Variants in RASA2 observed in about 807,000 individuals in gnomAD.
RASA2 encodes RAS p21 protein activator 2.
Under a neutral mutation model 118.2 loss-of-function variants are expected in RASA2, and 155 were observed. That is an observed-to-expected ratio of 1.31 (90% CI 1.15 to 1.50). RASA2 has a LOEUF of 1.50. Among genes scored for constraint, RASA2 ranks in the 40% most tolerant of loss-of-function variants. The pLI is 0.00. For synonymous variants in RASA2, 353 were observed against 349.1 expected (o/e 1.01, Z -0.12); for missense variants, 1,016 against 1,009.6 (o/e 1.01, Z -0.09).
chr3:141,573,999 T>A lies in RASA2; in HGVS notation c.1415T>A (p.Met472Lys). The A allele has an allele frequency of 6.3e-7, 1 of 1,590,068 alleles. No individual in the cohort carries two copies. The highest frequency in any genetic ancestry group is 8.6e-7 in the Non-Finnish European group (1 of 1,162,474). Residue 472 changes from methionine (M) to lysine (K), a missense_variant, in exon 14 of 24, where the codon ATG becomes AAG. Transcript: ENST00000286364. ...KLFNTIVKSS[M>K]SCPTVMCDIF... The stretch of plus-strand genomic sequence containing the variant: ...TTCAATACAATTGTAAAATCAAGTA[T>A]GAGCTGCCCCACTGTAATGTGTGAT...
chr3:141,516,439 C>A lies in RASA2; in HGVS notation c.355+8C>A. ...AAAGAGATCTCCGTATAGGTATGTA[C>A]TATTCATAATTATCTTTAATCACAA... is the stretch of plus-strand genomic sequence containing the variant. On this transcript the variant is annotated splice_region_variant and intron_variant, in intron 3 of 23. Transcript: ENST00000286364. The A allele has an allele frequency of 7.0e-7, 1 of 1,430,852 alleles. No homozygotes were observed. Among genetic ancestry groups the A allele is most frequent in the Non-Finnish European group, 9.2e-7 (1 of 1,085,640 alleles). 88.6% of individuals were successfully genotyped at this position (1,430,852 alleles called of 1,614,324 possible). A position where few individuals can be genotyped will look rare whatever the true frequency, so the allele number is the denominator to read the frequency against.
rs376313232 is a variant in RASA2 at position 141,487,121 on chromosome 3, C to A, written c.38C>A (p.Ser13Tyr). The A allele has an allele frequency of 2.8e-6, 4 of 1,428,352 alleles. No individual in the cohort carries two copies. The highest frequency in any genetic ancestry group is 2.6e-5 in the Admixed American group (1 of 38,568). 88.5% of individuals were successfully genotyped at this position (1,428,352 alleles called of 1,614,324 possible). A position where few individuals can be genotyped will look rare whatever the true frequency, so the allele number is the denominator to read the frequency against. Residue 13 changes from serine (S) to tyrosine (Y), a missense_variant, in exon 1 of 24, where the codon TCC becomes TAC. Physicochemically the swap from Ser to Tyr is moderately radical, Grantham distance 144. Transcript: ENST00000286364. ...AAAPAAAAASSEAPAASATAE... is the reference protein window; with the variant it reads ...AAAPAAAAASYEAPAASATAE... Reference sequence around the variant, plus strand: ...GCGCCTGCTGCTGCGGCGGCTTCTTCCGAGGCGCCAGCGGCGAGTGCGACT... The same window carrying A: ...GCGCCTGCTGCTGCGGCGGCTTCTTACGAGGCGCCAGCGGCGAGTGCGACT...
At chr3:141,503,372 A>T (rs369403221) in intron 1 of RASA2, among the ~76,000 whole-genome samples, 184 of 152,318 alleles carry the variant, frequency 1.2e-3, no homozygotes, top group African/African-American at 4.2e-3. Flanking sequence ...TTTGTCCTAG[A>T]TAAAATTTAT....
chr3:141,539,873 C>G (rs960593252), intron 4 of RASA2, among the ~76,000 whole-genome samples: 13 of 152,078 alleles, frequency 8.5e-5, no homozygotes, highest in Admixed American at 5.9e-4. Context: ...GAAAGTACTC[C>G]TTTATTTTCA....
intron 4 of RASA2, 151 bp downstream of exon 4, chr3:141,529,953 G>A (rs1040475014): frequency 1.7e-5 from 10 of 577,894 alleles, no homozygotes; most frequent in African/African-American, 1.7e-4. Context: ...ATATAGGACA[G>A]GAAGGTAATG....
intron 23 of RASA2, 76 bp from the exon 24 acceptor site, chr3:141,612,207 A>T: frequency 9.0e-7 from 1 of 1,109,610 alleles, no homozygotes; most frequent in Non-Finnish European, 1.3e-6. Context: ...CTAAATACTT[A>T]ATGGATTATA....
chr3:141,517,662 C>CT (rs535936304), intron 3 of RASA2, among the ~76,000 whole-genome samples: 51 of 151,298 alleles, frequency 3.4e-4, no homozygotes, highest in African/African-American at 4.4e-4. Flanking sequence ...ATATATTTCT[C>CT]TTTTTTTTTG....
chr3:141,505,688 A>C (rs1429233416), intron 1 of RASA2, among the ~76,000 whole-genome samples: 3 of 152,148 alleles, frequency 2.0e-5, no homozygotes, highest in Non-Finnish European at 4.4e-5. Context: ...TGTCCTGTCA[A>C]GTGGGCAGTG....
Position 141,559,863 on chromosome 3 carries a change from GCAAAACATAAAGCCAGTTTT to G in RASA2, c.762-27_762-8del, listed in dbSNP as rs2082704287. 6.4e-7 allele frequency: 1 copy of G among 1,571,052 alleles called. No homozygotes were observed. Among genetic ancestry groups the G allele is most frequent in the African/African-American group, 1.4e-5 (1 of 74,058 alleles). ...GTGTGAACTCTCTTAAACATTGTTT[GCAAAACATAAAGCCAGTTTT>G]CAATTTTCAGGATCGACTTGTGGAA... On this transcript the variant is annotated splice_polypyrimidine_tract_variant and intron_variant, in intron 8 of 23. Transcript: ENST00000286364.
At chr3:141,592,798 TAAA>T (rs1343463278) in intron 19 of RASA2, among the ~76,000 whole-genome samples, 1 of 142,274 alleles carries the variant, frequency 7.0e-6, no homozygotes, top group Non-Finnish European at 1.5e-5. Flanking sequence ...TAAAAATAGA[TAAA>T]GAACTCTTTT....
At chr3:141,497,737 G>A (rs2081725066) in intron 1 of RASA2, among the ~76,000 whole-genome samples, 1 of 151,126 alleles carries the variant, frequency 6.6e-6, no homozygotes, top group Non-Finnish European at 1.5e-5. Context: ...ATAGTGGTGT[G>A]TGTCTTCAGC....
At chr3:141,607,641 A>AT in intron 19 of RASA2, 37 bp from the exon 20 acceptor site, 1 of 1,529,726 alleles carries the variant, frequency 6.5e-7, no homozygotes, top group South Asian at 1.3e-5. Context: ...TCTGATGGAA[A>AT]TTACTTTAAT....
chr3:141,560,934 TC>T (rs2082721600), intron 9 of RASA2, among the ~76,000 whole-genome samples: 1 of 152,174 alleles, frequency 6.6e-6, no homozygotes, highest in South Asian at 2.1e-4. Context: ...TAGAGTCTTG[TC>T]CTAGAGCAGT....
chr3:141,543,457 G>T (rs1479345612), intron 5 of RASA2, among the ~76,000 whole-genome samples: 1 of 152,136 alleles, frequency 6.6e-6, no homozygotes, highest in Non-Finnish European at 1.5e-5. Flanking sequence ...AGAGGAAAAG[G>T]AAAGTGTAAG....
In RASA2 at chr3:141,580,501, C is replaced by T. The variant is rs759846790; in HGVS notation, c.1674+50C>T. 2.3e-5 allele frequency: 33 copies of T among 1,407,300 alleles called. No individual in the cohort carries two copies. The Admixed American group carries it at 5.9e-4, about 25-fold the overall frequency. The allele number at this position is 1,407,300 out of a possible 1,614,324, so 87.2% of individuals were successfully genotyped here. A position where few individuals can be genotyped will look rare whatever the true frequency, so the allele number is the denominator to read the frequency against. ...GTTTTTACACTTCTAAATGTTGTTA[C>T]ATCCTATGATCCCTTATCCTTGACT... On this transcript the variant is annotated intron_variant, in intron 16 of 23. Coordinates refer to ENST00000286364, the MANE Select transcript of RASA2 (RefSeq NM_006506.5).
chr3:141,505,062 C>T (rs2081844377), intron 1 of RASA2, among the ~76,000 whole-genome samples: 1 of 152,166 alleles, frequency 6.6e-6, no homozygotes, highest in Admixed American at 6.5e-5. Flanking sequence ...ATAACATTGA[C>T]CTCCTCCCTG....
chr3:141,503,907 T>A lies in RASA2; in HGVS notation c.134-8256T>A, dbSNP rs554606340. ...TGGTAACTGTATACAGGAGACTTTT[T>A]AAAAAATCTTTGGAGTAGTTGACAT... On this transcript the variant is annotated intron_variant, in intron 1 of 23. Coordinates refer to ENST00000286364, the MANE Select transcript of RASA2 (RefSeq NM_006506.5). Among the ~76,000 whole-genome samples the A allele has an allele frequency of 2.6e-5, 4 of 152,310 alleles. No individual in the cohort carries two copies. The South Asian group carries it at 8.3e-4, about 32-fold the overall frequency.
chr3:141,505,579 G>T (rs2081853211), intron 1 of RASA2, among the ~76,000 whole-genome samples: 1 of 152,160 alleles, frequency 6.6e-6, no homozygotes, highest in Admixed American at 6.5e-5. Flanking sequence ...ATAATTTGTG[G>T]GGGTAAAGAT....
chr3:141,542,584 C>T (rs975037104), intron 5 of RASA2, among the ~76,000 whole-genome samples: 20 of 152,082 alleles, frequency 1.3e-4, no homozygotes, highest in African/African-American at 4.3e-4. Context: ...GTGTACCCTT[C>T]ATTCTTTTTC....
Sources: allele counts gnomAD v4.1 joint callset (sites outside exome capture counted in the v4.1 genomes callset), GRCh38; gene constraint gnomAD v4.1.1; transcripts MANE v1.5; gene names NCBI Gene and HGNC (gene_info 2026-07-23, HGNC 2026-07-21).